RTL4: variants seen among roughly 807,000 people sequenced by gnomAD.
RTL4 encodes the protein retrotransposon Gag like 4, also known as retrotransposon Gag-like protein 4.
RTL4 carries 4 observed loss-of-function variants against 5.3 expected under a neutral mutation model. The observed-to-expected ratio is 0.75, with a 90% CI of 0.37 to 1.72. RTL4 has a LOEUF of 1.72. RTL4 is among the 40% of genes most tolerant of loss of function. RTL4 has a pLI of 0.04. For synonymous variants in RTL4, 98 were observed against 87.3 expected (o/e 1.12, Z -0.68); for missense variants, 260 against 227.1 (o/e 1.14, Z -0.93).
the RTL4 span, among the ~76,000 whole-genome samples, chrX:112,442,872 TATCCC>T: frequency 1.8e-5 from 2 of 111,011 alleles, no homozygotes; most frequent in Non-Finnish European, 3.8e-5. Flanking sequence ...GAACATGGGG[TATCCC>T]TCCCCTCAAG....
At chrX:112,348,091 T>C in the RTL4 span, among the ~76,000 whole-genome samples, 1 of 111,466 alleles carries the variant, frequency 9.0e-6, no homozygotes, top group Non-Finnish European at 1.9e-5. Context: ...AGTCGAATCT[T>C]ACAGAGCAGG....
chrX:112,097,040 A>T, the RTL4 span, among the ~76,000 whole-genome samples: 11 of 112,252 alleles, frequency 9.8e-5, no homozygotes, highest in South Asian at 3.7e-4. Context: ...AGAATGCAAC[A>T]TCTTTGACTG....
At chrX:112,267,934 A>G in the RTL4 span, among the ~76,000 whole-genome samples, 5 of 111,594 alleles carry the variant, frequency 4.5e-5, no homozygotes, top group Admixed American at 9.5e-5. Flanking sequence ...GATCATTGCA[A>G]TAGCCTCATC....
At chrX:112,091,495 C>T in the RTL4 span, among the ~76,000 whole-genome samples, 1 of 111,520 alleles carries the variant, frequency 9.0e-6, no homozygotes, top group Middle Eastern at 4.3e-3. Flanking sequence ...TTCTTTGATA[C>T]GTTTGTCGTT....
chrX:112,229,032 C>CCCCT, the RTL4 span, among the ~76,000 whole-genome samples: 1 of 111,962 alleles, frequency 8.9e-6, no homozygotes, highest in Non-Finnish European at 1.9e-5. Context: ...AAAAAGGTGT[C>CCCCT]CCCTCTAGGG....
At chrX:112,386,225 A>G in the RTL4 span, among the ~76,000 whole-genome samples, 560 of 112,176 alleles carry the variant, frequency 5.0e-3, 4 homozygotes, top group African/African-American at 0.017. Flanking sequence ...CATTACCTCA[A>G]GCATTTATCC....
At chrX:112,090,158 C>G in the RTL4 span, among the ~76,000 whole-genome samples, 51 of 109,511 alleles carry the variant, frequency 4.7e-4, no homozygotes, top group South Asian at 0.02. Context: ...ATATATAAGA[C>G]CATATATATA....
chrX:112,257,324 A>G, the RTL4 span, among the ~76,000 whole-genome samples: 1 of 111,474 alleles, frequency 9.0e-6, no homozygotes, highest in Non-Finnish European at 1.9e-5. Flanking sequence ...AAACTTGGCC[A>G]TGCTGTGATA....
At chrX:112,204,949 AC>A in the RTL4 span, among the ~76,000 whole-genome samples, 12 of 111,631 alleles carry the variant, frequency 1.1e-4, no homozygotes, top group South Asian at 4.1e-3. Flanking sequence ...TGTACGCACA[AC>A]TTAAAAAAAA....
the RTL4 span, among the ~76,000 whole-genome samples, chrX:112,269,721 A>C: frequency 8.9e-6 from 1 of 112,020 alleles, no homozygotes; most frequent in Non-Finnish European, 1.9e-5. Context: ...TACAGATGTA[A>C]AATGTACTCC....
chrX:112,434,470 A>T, the RTL4 span, among the ~76,000 whole-genome samples: 13 of 111,562 alleles, frequency 1.2e-4, no homozygotes, highest in Non-Finnish European at 2.1e-4. Flanking sequence ...GGGAGGGTGT[A>T]TGTGTCGAGG....
the RTL4 span, among the ~76,000 whole-genome samples, chrX:112,399,444 G>A: frequency 9.0e-6 from 1 of 111,411 alleles, no homozygotes; most frequent in Non-Finnish European, 1.9e-5. Flanking sequence ...TAATGTAAAA[G>A]AAATCATAAT....
the RTL4 span, among the ~76,000 whole-genome samples, chrX:112,141,999 CAAGG>C: frequency 9.0e-6 from 1 of 111,470 alleles, no homozygotes; most frequent in South Asian, 3.8e-4. Flanking sequence ...TTTTAGGAGA[CAAGG>C]AACCGGGAAG....
At chrX:112,117,256 A>G in the RTL4 span, among the ~76,000 whole-genome samples, 1 of 108,098 alleles carries the variant, frequency 9.3e-6, no homozygotes, top group Admixed American at 9.9e-5. Flanking sequence ...TAAATACACT[A>G]TTTACCATAT....
At chrX:112,372,317 CT>C in the RTL4 span, among the ~76,000 whole-genome samples, 2 of 111,639 alleles carry the variant, frequency 1.8e-5, no homozygotes, top group African/African-American at 3.2e-5. Flanking sequence ...CATTTATTTT[CT>C]TTGCTATATA....
the RTL4 span, among the ~76,000 whole-genome samples, chrX:112,326,461 G>A: frequency 4.5e-5 from 5 of 111,752 alleles, no homozygotes; most frequent in Non-Finnish European, 9.4e-5. Context: ...TAAAAAAACG[G>A]CGCACCAGGA....
At chrX:112,371,189 T>C in the RTL4 span, among the ~76,000 whole-genome samples, 1 of 111,000 alleles carries the variant, frequency 9.0e-6, no homozygotes, top group African/African-American at 3.3e-5. Flanking sequence ...TTTAAGAAAA[T>C]CAATTACCAG....
At chrX:112,236,337 A>G in the RTL4 span, among the ~76,000 whole-genome samples, 1 of 102,329 alleles carries the variant, frequency 9.8e-6, no homozygotes, top group South Asian at 4.8e-4. Context: ...TATGAGAATT[A>G]AATGCGCTTT....
chrX:112,270,824 T>G, the RTL4 span, among the ~76,000 whole-genome samples: 3 of 110,049 alleles, frequency 2.7e-5, no homozygotes, highest in African/African-American at 9.9e-5. Context: ...AAGTAAGTAA[T>G]GTGAAATGCT....
Sources: gnomAD v4.1 joint callset for allele counts (sites outside exome capture counted in the v4.1 genomes callset) on GRCh38, gnomAD v4.1.1 for gene constraint, MANE v1.5 for transcripts, NCBI Gene and HGNC (gene_info 2026-07-23, HGNC 2026-07-21) for gene names.